The following ZNF653 variants were observed in gnomAD, a reference collection of about 807,000 sequenced individuals.
The protein encoded by ZNF653 is 67 kDa zinc finger protein.
A neutral mutation model predicts 59.9 loss-of-function variants in ZNF653; 37 were observed. The ratio of observed to expected loss-of-function variants is 0.62; its 90% CI spans 0.48 to 0.81. The LOEUF is 0.81. ZNF653 is among the 40% of genes least tolerant of loss of function. The pLI is 0.00. For missense variants in ZNF653, 808 were observed against 881.1 expected, an observed-to-expected ratio of 0.92 and a Z score of 1.05; for synonymous variants, 435 against 371.8, an observed-to-expected ratio of 1.17 and a Z score of -1.96.
intron 1 of ZNF653, chr19:11,504,420 G>A (rs1281956434): frequency 1.6e-6 from 1 of 629,600 alleles, no homozygotes; most frequent in African/African-American, 2.0e-5. Flanking sequence ...GAAAAGAAAA[G>A]AAAAACGAAC....
chr19:11,487,398 G>A lies in ZNF653; in HGVS notation c.1065C>T (p.Pro355=). 2 of 1,612,380 alleles carry A rather than the reference G, an allele frequency of 1.2e-6. No homozygotes were observed. The highest frequency in any genetic ancestry group is 1.1e-5 in the South Asian group (1 of 91,088). ...CTGCCACACCCTCCATCATGGCACAGGGCACCTCCTCGCCCAGTCCACTGC... is the reference window on the plus strand; with the variant it reads ...CTGCCACACCCTCCATCATGGCACAAGGCACCTCCTCGCCCAGTCCACTGC... ...VPGSGLGEEV[P]CAMMEGVAAY... is the part of the protein sequence containing the mutation. Residue 355 remains proline, a synonymous_variant, in exon 4 of 9, where the codon CCC becomes CCT. Transcript: ENST00000293771. The surrounding 1 kb of genome is among the most constrained non-coding windows in gnomAD (Gnocchi z 5.1).
Position 11,487,442 on chromosome 19 carries a change from C to T in ZNF653, c.1021G>A (p.Ala341Thr). The T allele has an allele frequency of 1.2e-6, 2 of 1,612,692 alleles. No homozygotes were observed. The highest frequency in any genetic ancestry group is 1.7e-6 in the Non-Finnish European group (2 of 1,179,964). The change falls in exon 4 of 9, where the codon GCA becomes ACA. Residue 341 changes from alanine to threonine, a missense_variant. Ala to Thr is a moderately conservative substitution (Grantham distance 58). Coordinates refer to ENST00000293771, the MANE Select transcript of ZNF653 (RefSeq NM_138783.4). This position sits in a 1 kb window ranked among gnomAD's most constrained non-coding sequence, Gnocchi z 5.1. ...CCACTGCCGGGGACACCGCTGCCTG[C>T]TGCCATGTTGAGGTGAATGCCCTCG... ...TAEGIHLNMAAGSGVPGSGLG... is the reference protein window; with the variant it reads ...TAEGIHLNMATGSGVPGSGLG...
At chr19:11,502,014 C>T (rs1055609694) in intron 1 of ZNF653, among the ~76,000 whole-genome samples, 19 of 152,108 alleles carry the variant, frequency 1.2e-4, no homozygotes, top group Admixed American at 5.2e-4. Flanking sequence ...AGGCTGGTCT[C>T]GAACTCCTTA....
chr19:11,499,683 G>A (rs1227169659), intron 1 of ZNF653, among the ~76,000 whole-genome samples: 2 of 151,310 alleles, frequency 1.3e-5, no homozygotes, highest in African/African-American at 4.9e-5. Context: ...AGGTTAAGAC[G>A]GGTGCATCGC....
intron 1 of ZNF653, among the ~76,000 whole-genome samples, chr19:11,498,814 G>A (rs934734876): frequency 7.3e-5 from 11 of 151,610 alleles, no homozygotes; most frequent in South Asian, 2.1e-4. Flanking sequence ...GTGCGATCTC[G>A]GTTCACTGCA....
intron 7 of ZNF653, among the ~76,000 whole-genome samples, chr19:11,484,696 C>T (rs1315013176): frequency 1.3e-5 from 2 of 151,998 alleles, no homozygotes; most frequent in Admixed American, 6.6e-5. Flanking sequence ...CCACCACGCC[C>T]GGCCTTGTCC....
At chr19:11,486,428 G>T (rs146921686) in intron 6 of ZNF653, among the ~76,000 whole-genome samples, 39 of 152,360 alleles carry the variant, frequency 2.6e-4, no homozygotes, top group African/African-American at 8.9e-4. Flanking sequence ...ACTGGGACTG[G>T]ATTTGAGGGC....
At chr19:11,499,836 T>C (rs529087440) in intron 1 of ZNF653, among the ~76,000 whole-genome samples, 1 of 152,004 alleles carries the variant, frequency 6.6e-6, no homozygotes, top group South Asian at 2.1e-4. Context: ...CACCTGAGCC[T>C]GGGGAGGTCA....
rs201734950 is a variant in ZNF653, at chr19:11,496,044, C to T, written c.465G>A (p.Thr155=). 6.8e-6 allele frequency: 11 copies of T among 1,614,176 alleles called. No homozygotes were observed. The highest frequency in any genetic ancestry group is 5.3e-5 in the African/African-American group (4 of 75,064). Residue 155 remains threonine, a synonymous_variant, in exon 3 of 9, where the codon ACG becomes ACA. Coordinates refer to ENST00000293771, the MANE Select transcript of ZNF653 (RefSeq NM_138783.4). ...ELDPTFGLYT[T]AVWQCEAGHR... is the part of the protein sequence containing the mutation. ...GGCCAGCTTCGCACTGCCACACGGC[C>T]GTGGTGTACAGGCCAAAAGTGGGGT...
chr19:11,497,487 A>C (rs1376315490), intron 2 of ZNF653, among the ~76,000 whole-genome samples: 1 of 152,190 alleles, frequency 6.6e-6, no homozygotes, highest in African/African-American at 2.4e-5. Context: ...GGGGAGAATA[A>C]GGGATTCCCA....
chr19:11,487,517 C>T lies in ZNF653; in HGVS notation c.946G>A (p.Gly316Ser), dbSNP rs768514644. The T allele has an allele frequency of 9.9e-6, 16 of 1,613,894 alleles. No homozygotes were observed. Among genetic ancestry groups the T allele is most frequent in the African/African-American group, 2.7e-5 (2 of 75,044 alleles). The part of the protein sequence containing the change: ...ASCPMPGMVP[G>S]SQVIIIAGPG... ...CCCGCAATGATGATCACCTGTGAGCCGGGCACCATGCCTGGCATGGGGCAG... is the reference window on the plus strand; with the variant it reads ...CCCGCAATGATGATCACCTGTGAGCTGGGCACCATGCCTGGCATGGGGCAG... The change falls in exon 4 of 9, where the codon GGC (glycine) becomes AGC (serine). Residue 316 changes from glycine (G) to serine (S), a missense_variant. Transcript: ENST00000293771. This position sits in a 1 kb window ranked among gnomAD's most constrained non-coding sequence, Gnocchi z 5.1.
At position 11,487,164 on chromosome 19, in the gene ZNF653, G is replaced by A; in HGVS notation, c.1172-6C>T. 6.2e-7 allele frequency: 1 copy of A among 1,610,330 alleles called. No individual in the cohort carries two copies. The highest frequency in any genetic ancestry group is 1.6e-4 in the Middle Eastern group (1 of 6,062). ...CAAGCACAGGTCCTCCTTCTCTACA[G>A]GGTGGACACAGGGTGGTGTCCGCAG... On this transcript the variant is annotated splice_polypyrimidine_tract_variant and splice_region_variant and intron_variant, in intron 4 of 8. Coordinates refer to ENST00000293771, the MANE Select transcript of ZNF653 (RefSeq NM_138783.4). This position sits in a 1 kb window ranked among gnomAD's most constrained non-coding sequence, Gnocchi z 5.1.
chr19:11,489,542 G>A (rs1971509085), intron 3 of ZNF653, among the ~76,000 whole-genome samples: 1 of 151,984 alleles, frequency 6.6e-6, no homozygotes. Flanking sequence ...TGCTACCCAG[G>A]CTGTGGCCTT....
At chr19:11,483,907 CGGGGCGGGG>C in intron 8 of ZNF653, 48 bp from the exon 9 acceptor site, 1 of 363,918 alleles carries the variant, frequency 2.7e-6, no homozygotes, top group Non-Finnish European at 5.4e-6. Context: ...GTGGGCGGGG[CGGGGCGGGG>C]CCCTACAAGG....
intron 1 of ZNF653, among the ~76,000 whole-genome samples, chr19:11,499,604 A>G (rs1971623209): frequency 6.9e-6 from 1 of 145,026 alleles, no homozygotes; most frequent in African/African-American, 2.6e-5. Context: ...ACCTCTATTT[A>G]TACAATTAAA....
At chr19:11,502,750 C>A (rs1198225044) in intron 1 of ZNF653, among the ~76,000 whole-genome samples, 2 of 152,092 alleles carry the variant, frequency 1.3e-5, no homozygotes, top group Non-Finnish European at 2.9e-5. Flanking sequence ...AATCTGCAAC[C>A]CCGCCGGGCG....
At position 11,498,279 on chromosome 19, in the gene ZNF653, G is replaced by A. The variant is rs1164098406; in HGVS notation, c.343+17C>T. 3 of 1,613,740 alleles carry A rather than the reference G, an allele frequency of 1.9e-6. No individual in the cohort carries two copies. The highest frequency in any genetic ancestry group is 1.3e-5 in the African/African-American group (1 of 74,906). The stretch of plus-strand genomic sequence containing the variant: ...TCCCAACTCTCCCCACCTCCCCCAG[G>A]CTGAGCCTCCACTTACTTTTCTTCC... On this transcript the variant is annotated intron_variant, in intron 2 of 8. Transcript: ENST00000293771.
In ZNF653 at chr19:11,485,522, G is replaced by A. The variant is rs553161659; in HGVS notation, c.1570+134C>T. 16 of 642,554 alleles carry A rather than the reference G, an allele frequency of 2.5e-5. 1 individual carries two copies. The African/African-American group carries it at 2.9e-4, about 12-fold the overall frequency. The allele number at this position is 642,554 out of a possible 1,614,324, so 39.8% of individuals were successfully genotyped here. On this transcript the variant is annotated intron_variant, in intron 7 of 8. Transcript: ENST00000293771. ...ATAGCTACAGCTTACTGAGGACAGG[G>A]AGGAGGCTCCTAGGGGTGTAGTCCT... is the stretch of plus-strand genomic sequence containing the variant.
rs1971487157 is a variant in ZNF653 at position 11,487,864 on chromosome 19, C to G, written c.599G>C (p.Ser200Thr). ...CTCAGAGTCAGAGGCAGAGCCAGAG[C>G]TGGATGAGTCAGAGCTGCCAGCCAC... Reference protein sequence around the residue: ...GLVAGSSDSSSSGSASDSEES... With the variant: ...GLVAGSSDSSTSGSASDSEES... Residue 200 changes from serine (S) to threonine (T), a missense_variant, in exon 4 of 9, where the codon AGC becomes ACC. Physicochemically the swap from Ser to Thr is moderately conservative, Grantham distance 58. Coordinates refer to ENST00000293771, the MANE Select transcript of ZNF653 (RefSeq NM_138783.4). The surrounding 1 kb of genome is among the most constrained non-coding windows in gnomAD (Gnocchi z 5.1). 2 of 1,605,724 alleles carry G rather than the reference C, an allele frequency of 1.2e-6. No homozygotes were observed. Among genetic ancestry groups the G allele is most frequent in the Non-Finnish European group, 1.7e-6 (2 of 1,175,082 alleles).
Sources: gnomAD v4.1 joint callset for allele counts (sites outside exome capture counted in the v4.1 genomes callset) on GRCh38, gnomAD v4.1.1 for gene constraint, Gnocchi (gnomAD v3.1) non-coding constraint, MANE v1.5 for transcripts, NCBI Gene and HGNC (gene_info 2026-07-23, HGNC 2026-07-21) for gene names.